The following PCDH11X variants were observed in gnomAD, a reference collection of about 807,000 sequenced individuals.
The protein encoded by PCDH11X is protocadherin-11 X-linked.
PCDH11X carries 18 observed loss-of-function variants against 53.3 expected under a neutral mutation model. The ratio of observed to expected loss-of-function variants is 0.34; its 90% CI spans 0.23 to 0.50. The LOEUF (loss-of-function observed/expected upper bound fraction) is 0.50, where lower values mean the gene tolerates loss of function less well. Among genes scored for constraint, PCDH11X ranks in the 20% least tolerant of loss-of-function variants. PCDH11X has a pLI of 0.98. For missense variants in PCDH11X, 570 were observed against 1,032.4 expected, an observed-to-expected ratio of 0.55 and a Z score of 6.14; for synonymous variants, 279 against 393.3, an observed-to-expected ratio of 0.71 and a Z score of 3.44.
At chrX:92,215,229 C>A (rs890448427) in intron 7 of PCDH11X, among the ~76,000 whole-genome samples, 2 of 109,989 alleles carry the variant, frequency 1.8e-5, no homozygotes, top group African/African-American at 3.3e-5. Flanking sequence ...GCACCGTGCG[C>A]GAGGTGAAGC....
intron 10 of PCDH11X, among the ~76,000 whole-genome samples, chrX:92,478,249 C>A (rs1484132246): frequency 1.8e-5 from 2 of 110,605 alleles, no homozygotes; most frequent in Non-Finnish European, 3.8e-5. Flanking sequence ...TGCCCACTCT[C>A]GAGTATTTGT....
At chrX:91,875,082 C>T (rs773990655) in intron 5 of PCDH11X, among the ~76,000 whole-genome samples, 9 of 110,069 alleles carry the variant, frequency 8.2e-5, no homozygotes, top group South Asian at 7.7e-4. Context: ...TCATAAATCA[C>T]CCATGAATAG....
intron 6 of PCDH11X, among the ~76,000 whole-genome samples, chrX:92,020,529 C>A (rs1329506120): frequency 2.7e-5 from 3 of 111,019 alleles, no homozygotes; most frequent in Non-Finnish European, 5.7e-5. Context: ...AACTCAGGAA[C>A]AGAAGTCTGA....
intron 6 of PCDH11X, among the ~76,000 whole-genome samples, chrX:92,098,454 T>G (rs982799633): frequency 9.0e-6 from 1 of 110,979 alleles, no homozygotes; most frequent in South Asian, 3.8e-4. Context: ...CGGTTGGTCA[T>G]AGAAACCATC....
intron 9 of PCDH11X, among the ~76,000 whole-genome samples, chrX:92,437,539 C>T (rs2072412902): frequency 9.0e-6 from 1 of 110,569 alleles, no homozygotes; most frequent in Non-Finnish European, 1.9e-5. Context: ...TTCCTTCTCT[C>T]TTTAAACTTA....
intron 8 of PCDH11X, among the ~76,000 whole-genome samples, chrX:92,305,453 A>C (rs1480745322): frequency 9.2e-6 from 1 of 108,946 alleles, no homozygotes; most frequent in South Asian, 4.2e-4. Context: ...AGAGTGAGAG[A>C]TATCTGGTGT....
chrX:91,922,017 C>CA lies in PCDH11X; in HGVS notation c.3033+42745dup, dbSNP rs767566382. ...TTACTTTAGTTAGTATTTGGCATTA[C>CA]ATATGCATGTATAAAATGTATAGTT... On this transcript the variant is annotated intron_variant, in intron 6 of 10. Transcript: ENST00000682573. 1.6e-3 allele frequency among the ~76,000 whole-genome samples: 172 copies of CA among 110,880 alleles called. 2 individuals carry two copies. Among genetic ancestry groups the CA allele is most frequent in the Middle Eastern group, 4.7e-3 (1 of 214 alleles).
intron 8 of PCDH11X, among the ~76,000 whole-genome samples, chrX:92,366,092 G>C (rs756139208): frequency 1.8e-5 from 2 of 109,742 alleles, no homozygotes; most frequent in Middle Eastern, 4.6e-3. Context: ...GGGAGAATTC[G>C]GCTATGAATC....
chrX:92,213,393 C>T (rs941382599), intron 7 of PCDH11X, among the ~76,000 whole-genome samples: 3 of 111,591 alleles, frequency 2.7e-5, no homozygotes, highest in African/African-American at 9.8e-5. Context: ...GCCATTAATG[C>T]CTCAGTTGAG....
intron 6 of PCDH11X, among the ~76,000 whole-genome samples, chrX:92,070,352 AG>A (rs1472829656): frequency 9.0e-6 from 1 of 111,469 alleles, no homozygotes; most frequent in African/African-American, 3.3e-5. Flanking sequence ...TATTTCTTAT[AG>A]GACATGAAAT....
At chrX:92,401,022 ATTATT>A (rs1030694747) in intron 9 of PCDH11X, among the ~76,000 whole-genome samples, 3 of 101,769 alleles carry the variant, frequency 2.9e-5, no homozygotes, top group Non-Finnish European at 5.9e-5. Context: ...TTTAAAACTG[ATTATT>A]TTATTTGTTT....
intron 10 of PCDH11X, among the ~76,000 whole-genome samples, chrX:92,513,934 A>T (rs2074209465): frequency 9.0e-6 from 1 of 110,633 alleles, no homozygotes; most frequent in South Asian, 3.8e-4. Flanking sequence ...CTTTCTGTTC[A>T]TATAGTTATA....
intron 8 of PCDH11X, among the ~76,000 whole-genome samples, chrX:92,269,030 A>G (rs1314734650): frequency 8.9e-6 from 1 of 112,219 alleles, no homozygotes; most frequent in Non-Finnish European, 1.9e-5. Context: ...TTATATTCAT[A>G]TGATTTCAAG....
intron 10 of PCDH11X, among the ~76,000 whole-genome samples, chrX:92,612,950 T>C (rs1475991532): frequency 1.8e-5 from 2 of 109,350 alleles, no homozygotes; most frequent in South Asian, 4.0e-4. Context: ...TTGTGTTCTG[T>C]TTCCACTGTA....
intron 10 of PCDH11X, among the ~76,000 whole-genome samples, chrX:92,603,634 A>G (rs1319946852): frequency 1.9e-5 from 2 of 106,205 alleles, no homozygotes; most frequent in East Asian, 5.8e-4. Flanking sequence ...CGTAAGAAAA[A>G]AAAAAGGTAA....
intron 7 of PCDH11X, among the ~76,000 whole-genome samples, chrX:92,226,668 C>A (rs1197437962): frequency 4.5e-5 from 5 of 110,797 alleles, no homozygotes; most frequent in Non-Finnish European, 9.4e-5. Context: ...GTTATTTTGG[C>A]CCCCTTTGGA....
intron 7 of PCDH11X, among the ~76,000 whole-genome samples, chrX:92,243,432 TG>T (rs2067296474): frequency 9.0e-6 from 1 of 111,086 alleles, no homozygotes; most frequent in Non-Finnish European, 1.9e-5. Context: ...AATTTATTTC[TG>T]GGTGGTCTAC....
At chrX:92,311,107 C>G (rs746127519) in intron 8 of PCDH11X, among the ~76,000 whole-genome samples, 1 of 111,281 alleles carries the variant, frequency 9.0e-6, no homozygotes, top group African/African-American at 3.3e-5. Flanking sequence ...ATATATAAAA[C>G]ATTTAAGAAC....
chrX:92,471,953 TG>T (rs750938735), intron 10 of PCDH11X, among the ~76,000 whole-genome samples: 17 of 111,880 alleles, frequency 1.5e-4, no homozygotes, highest in Non-Finnish European at 2.8e-4. Context: ...TTAATGGAGT[TG>T]TTTTTTTTCT....
Sources: allele counts gnomAD v4.1 joint callset (sites outside exome capture counted in the v4.1 genomes callset), GRCh38; gene constraint gnomAD v4.1.1; transcripts MANE v1.5; gene names NCBI Gene and HGNC (gene_info 2026-07-23, HGNC 2026-07-21).